The following DAGLB variants were observed in gnomAD, a reference collection of about 807,000 sequenced individuals.
DAGLB encodes the protein diacylglycerol lipase-beta.
A neutral mutation model predicts 72.1 loss-of-function variants in DAGLB; 66 were observed. That is an observed-to-expected ratio of 0.92 (90% CI 0.75 to 1.12). The LOEUF is 1.12. DAGLB is among the 50% of genes most tolerant of loss of function. The pLI is 0.00. For synonymous variants in DAGLB, 414 were observed against 359.5 expected (o/e 1.15, Z -1.71); for missense variants, 1,065 against 884.9 (o/e 1.20, Z -2.58).
Position 6,416,845 on chromosome 7 carries a change from G to C in DAGLB, c.1295C>G (p.Ala432Gly). The C allele has an allele frequency of 6.2e-7, 1 of 1,614,230 alleles. No individual in the cohort carries two copies. The highest frequency in any genetic ancestry group is 1.1e-5 in the South Asian group (1 of 91,084). Reference sequence around the variant, plus strand: ...AAACGTTAACTAAGATCTCACAGGAGCAATGCTGAAGGCTTGGCTCAAAAT... The same window carrying C: ...AAACGTTAACTAAGATCTCACAGGACCAATGCTGAAGGCTTGGCTCAAAAT... Reference protein sequence around the residue: ...DGILSQAFSIAPEYRLVIVGH... With the variant: ...DGILSQAFSIGPEYRLVIVGH... The change falls in exon 10 of 15, where the codon GCT (alanine) becomes GGT (glycine). Residue 432 changes from alanine (A) to glycine (G), a missense_variant. Ala to Gly is a moderately conservative substitution (Grantham distance 60). Transcript: ENST00000297056.
intron 11 of DAGLB, among the ~76,000 whole-genome samples, chr7:6,413,590 A>C (rs938858359): frequency 5.3e-5 from 8 of 151,760 alleles, no homozygotes; most frequent in Non-Finnish European, 1.2e-4. Context: ...AGATCGCGCC[A>C]CTGCACTCCA....
intron 2 of DAGLB, 87 bp from the exon 3 acceptor site, chr7:6,436,620 C>G: frequency 6.4e-7 from 1 of 1,559,550 alleles, no homozygotes; most frequent in South Asian, 1.1e-5. Flanking sequence ...TTTTGCAGAG[C>G]ATACATTTGT....
At position 6,409,854 on chromosome 7, in the gene DAGLB, T is replaced by C. The variant is rs1783657447; in HGVS notation, c.2002A>G (p.Ser668Gly). The C allele has an allele frequency of 1.2e-6, 2 of 1,613,900 alleles. No homozygotes were observed. Among genetic ancestry groups the C allele is most frequent in the Non-Finnish European group, 1.7e-6 (2 of 1,179,996 alleles). Reference sequence around the variant, plus strand: ...GGCCCTGGTCAGGCCACGTCCACACTGGAGACCCCTTGTGCTGGACAGGAG... The same window carrying C: ...GGCCCTGGTCAGGCCACGTCCACACCGGAGACCCCTTGTGCTGGACAGGAG... ...CVSCPAQGVS[S>G]VDVA is the part of the protein sequence containing the mutation. The change falls in exon 15 of 15, where the codon AGT becomes GGT. Residue 668 changes from serine (S) to glycine (G), a missense_variant. By Grantham distance (56) the Ser-to-Gly change is moderately conservative. Transcript: ENST00000297056.
Position 6,410,013 on chromosome 7 carries a change from G to GT in DAGLB, c.1842_1843insA (p.His615ThrfsTer3). On this transcript the variant is annotated frameshift_variant, in exon 15 of 15. Transcript: ENST00000297056. LOFTEE classifies it low-confidence loss of function (END_TRUNC). Reference sequence around the variant, plus strand: ...TCGTGTGACCACTTGGCGCTATAGTGAGCAGCAGAGCAGCAGCCAAACCTG... The same window carrying GT: ...TCGTGTGACCACTTGGCGCTATAGTGTAGCAGCAGAGCAGCAGCCAAACCTG... 7 of 1,613,564 alleles carry GT rather than the reference G, an allele frequency of 4.3e-6. No homozygotes were observed. The highest frequency in any genetic ancestry group is 5.9e-6 in the Non-Finnish European group (7 of 1,179,718).
intron 6 of DAGLB, among the ~76,000 whole-genome samples, chr7:6,429,056 G>A (rs1302027808): frequency 3.9e-5 from 6 of 152,092 alleles, no homozygotes; most frequent in African/African-American, 7.2e-5. Flanking sequence ...CGCTGGCCTC[G>A]ACCTCCCAAA....
chr7:6,414,596 C>T (rs1156627959), intron 11 of DAGLB, among the ~76,000 whole-genome samples: 2 of 152,098 alleles, frequency 1.3e-5, no homozygotes, highest in African/African-American at 4.8e-5. Context: ...CCAACATGCC[C>T]AGCCTCCTGA....
intron 7 of DAGLB, among the ~76,000 whole-genome samples, chr7:6,425,353 C>T (rs140894987): frequency 0.01 from 1,543 of 152,234 alleles, 21 homozygotes; most frequent in African/African-American, 0.036. Flanking sequence ...CTCACTGTAA[C>T]CTCCGCCTCC....
intron 8 of DAGLB, among the ~76,000 whole-genome samples, 193 bp downstream of exon 8, chr7:6,424,559 G>A (rs534219637): frequency 6.6e-6 from 1 of 152,316 alleles, no homozygotes; most frequent in Admixed American, 6.5e-5. Context: ...ACAGTTCTCA[G>A]TGAAGATGAA....
In DAGLB at chr7:6,409,960, A is replaced by T. The variant is rs141846216; in HGVS notation, c.1896T>A (p.Gly632=). The part of the protein sequence containing the change: ...HEAEFSKILI[G]PKMLTDHMPD... The stretch of plus-strand genomic sequence containing the variant: ...GCATGTGGTCGGTGAGCATCTTCGG[A>T]CCTATGAGTATTTTGCTGAATTCCG... The change falls in exon 15 of 15, where the codon GGT becomes GGA. Residue 632 remains glycine, a synonymous_variant. Coordinates refer to ENST00000297056, the MANE Select transcript of DAGLB (RefSeq NM_139179.4). 1 of 1,613,948 alleles carries T rather than the reference A, an allele frequency of 6.2e-7. No homozygotes were observed. Among genetic ancestry groups the T allele is most frequent in the Non-Finnish European group, 8.5e-7 (1 of 1,180,024 alleles).
Position 6,432,925 on chromosome 7 carries a change from CCCG to C in DAGLB, c.710_712del (p.Ala237del). On this transcript the variant is annotated inframe_deletion, in exon 5 of 15. Coordinates refer to ENST00000297056, the MANE Select transcript of DAGLB (RefSeq NM_139179.4). ...CTGTTGCTGATGAAGCAGGGCGAGGCCCGCCGCAATGTCGCTGGGCACCAGATC... is the reference window on the plus strand; with the variant it reads ...CTGTTGCTGATGAAGCAGGGCGAGGCCCGCAATGTCGCTGGGCACCAGATC... 6.2e-7 allele frequency: 1 copy of C among 1,613,868 alleles called. No homozygotes were observed. The highest frequency in any genetic ancestry group is 8.5e-7 in the Non-Finnish European group (1 of 1,179,938).
At chr7:6,424,877 A>G in intron 7 of DAGLB, 42 bp from the exon 8 acceptor site, 1 of 1,598,554 alleles carries the variant, frequency 6.3e-7, no homozygotes, top group Non-Finnish European at 8.6e-7. Flanking sequence ...AACAGTGAAC[A>G]CACGCACCAG....
rs143795237 is a variant in DAGLB at position 6,409,888 on chromosome 7, C to T, written c.1968G>A (p.Ala656=). The change falls in exon 15 of 15, where the codon GCG becomes GCA. Residue 656 remains alanine (A), a synonymous_variant. Transcript: ENST00000297056. ...CTTGTGCTGGACAGGAGACGCAGGC[C>T]GCTCTGTCGGAGACCACGCTGTCCA... ...RALDSVVSDR[A]ACVSCPAQGV... 68 of 1,614,096 alleles carry T rather than the reference C, an allele frequency of 4.2e-5. No individual in the cohort carries two copies. The highest frequency in any genetic ancestry group is 3.3e-4 in the South Asian group (30 of 91,092).
At chr7:6,433,193 C>G (rs1326049140) in intron 4 of DAGLB, among the ~76,000 whole-genome samples, 1 of 152,234 alleles carries the variant, frequency 6.6e-6, no homozygotes, top group Non-Finnish European at 1.5e-5. Context: ...TGCTATTCGT[C>G]TGTCTTAAAA....
At chr7:6,411,304 C>A (rs894626537) in intron 13 of DAGLB, among the ~76,000 whole-genome samples, 1 of 152,186 alleles carries the variant, frequency 6.6e-6, no homozygotes, top group Non-Finnish European at 1.5e-5. Context: ...CCACCGGGCC[C>A]GCCCTAGATA....
intron 1 of DAGLB, 53 bp from the exon 2 acceptor site, chr7:6,446,157 T>C: frequency 6.5e-7 from 1 of 1,543,778 alleles, no homozygotes; most frequent in Non-Finnish European, 8.7e-7. Flanking sequence ...GGAGCTGCTG[T>C]GTAGAACATG....
At chr7:6,413,608 C>T (rs1375695692) in intron 11 of DAGLB, among the ~76,000 whole-genome samples, 1 of 148,794 alleles carries the variant, frequency 6.7e-6, no homozygotes, top group South Asian at 2.1e-4. Flanking sequence ...CCAGCCTGGG[C>T]GACAGAGCGA....
Position 6,446,572 on chromosome 7 carries a change from T to C in DAGLB, c.96-468A>G, listed in dbSNP as rs980252351. On this transcript the variant is annotated intron_variant, in intron 1 of 14. Transcript: ENST00000297056. The stretch of plus-strand genomic sequence containing the variant: ...AGGTTCACTTTGGAATATAATTTTC[T>C]TTTTGTAGAGACAGGGTCTTGCTAT... Among the ~76,000 whole-genome samples the C allele has an allele frequency of 1.4e-4, 22 of 151,836 alleles. No individual in the cohort carries two copies. In the East Asian group the frequency reaches 4.1e-3, roughly 28 times the overall value.
At chr7:6,440,982 C>A (rs1356145971) in intron 2 of DAGLB, among the ~76,000 whole-genome samples, 1 of 151,622 alleles carries the variant, frequency 6.6e-6, no homozygotes, top group African/African-American at 2.4e-5. Flanking sequence ...GAGGGGGGGA[C>A]GGAGTTTCCC....
At chr7:6,422,714 T>G (rs894800045) in intron 8 of DAGLB, 3 of 152,310 alleles carry the variant, frequency 2.0e-5, no homozygotes, top group African/African-American at 2.4e-5. Context: ...GAGGGGACAA[T>G]AGACACTGGG....
Sources: allele counts gnomAD v4.1 joint callset (sites outside exome capture counted in the v4.1 genomes callset), GRCh38; gene constraint gnomAD v4.1.1; transcripts MANE v1.5; gene names NCBI Gene and HGNC (gene_info 2026-07-23, HGNC 2026-07-21).